Variants in XKR6 observed in about 807,000 individuals in gnomAD.
XKR6 encodes the protein XK related 6.
In XKR6, 22 loss-of-function variants were observed where a neutral mutation model predicts 56.7. The ratio of observed to expected loss-of-function variants is 0.39; its 90% CI spans 0.28 to 0.55. The LOEUF is 0.55. XKR6 is among the 20% of genes least tolerant of loss of function. The pLI is 0.66. For missense variants in XKR6, 852 were observed against 889.0 expected (o/e 0.96, Z 0.53); for synonymous variants, 524 against 387.8 (o/e 1.35, Z -4.13).
chr8:11,197,703 A>G (rs1401865128), intron 1 of XKR6, among the ~76,000 whole-genome samples: 1 of 152,154 alleles, frequency 6.6e-6, no homozygotes, highest in African/African-American at 2.4e-5. Flanking sequence ...TCTACAGACA[A>G]CCATTCTTCC....
intron 1 of XKR6, among the ~76,000 whole-genome samples, chr8:10,949,713 T>G (rs1801661401): frequency 6.6e-6 from 1 of 152,042 alleles, no homozygotes; most frequent in African/African-American, 2.4e-5. Flanking sequence ...GGACACAAAG[T>G]CAAGGACCGG....
intron 1 of XKR6, among the ~76,000 whole-genome samples, chr8:11,099,381 T>C (rs1798382592): frequency 6.6e-6 from 1 of 152,194 alleles, no homozygotes; most frequent in African/African-American, 2.4e-5. Context: ...ATGATGCTTA[T>C]CATTAGCACA....
intron 1 of XKR6, among the ~76,000 whole-genome samples, chr8:11,121,768 A>G (rs902804482): frequency 4.6e-5 from 7 of 152,238 alleles, no homozygotes; most frequent in Non-Finnish European, 8.8e-5. Context: ...CACTATAGCA[A>G]AGACTTGGAA....
intron 1 of XKR6, among the ~76,000 whole-genome samples, chr8:11,065,486 T>C (rs1036519423): frequency 6.6e-6 from 1 of 152,250 alleles, no homozygotes; most frequent in Non-Finnish European, 1.5e-5. Context: ...ATTTAGGTTC[T>C]GTGGCCGTGA....
intron 1 of XKR6, among the ~76,000 whole-genome samples, chr8:11,157,552 G>A (rs1281590020): frequency 6.6e-6 from 1 of 152,124 alleles, no homozygotes; most frequent in African/African-American, 2.4e-5. Context: ...GTCTCTCTCT[G>A]TTGCCCAGGC....
At chr8:11,031,115 T>C (rs1410367548) in intron 1 of XKR6, among the ~76,000 whole-genome samples, 3 of 152,184 alleles carry the variant, frequency 2.0e-5, no homozygotes, top group Non-Finnish European at 4.4e-5. Context: ...ATGACCCTGT[T>C]CACTGGCTGC....
chr8:11,201,363 A>AG lies in XKR6; in HGVS notation c.-25dup. 1 of 392,948 alleles carries AG rather than the reference A, an allele frequency of 2.5e-6. No individual in the cohort carries two copies. The highest frequency in any genetic ancestry group is 3.2e-6 in the Non-Finnish European group (1 of 310,480). The allele number at this position is 392,948 out of a possible 1,614,324, so 24.3% of individuals were successfully genotyped here. A position where few individuals can be genotyped will look rare whatever the true frequency, so the allele number is the denominator to read the frequency against. ...ATCTTGACTCTCTTCCCAGCTCCGG[A>AG]GGTTGGGGGGGAGGGACGGCGGGGG... On this transcript the variant is annotated 5_prime_UTR_variant, in exon 1 of 3. Coordinates refer to ENST00000416569, the MANE Select transcript of XKR6 (RefSeq NM_173683.4).
chr8:11,126,903 T>C (rs139550604), intron 1 of XKR6, among the ~76,000 whole-genome samples: 16 of 152,302 alleles, frequency 1.1e-4, no homozygotes, highest in African/African-American at 2.4e-4. Flanking sequence ...GATGAAATCA[T>C]TGGCTCAGTG....
chr8:11,116,819 T>TA (rs1799201147), intron 1 of XKR6, among the ~76,000 whole-genome samples: 1 of 152,194 alleles, frequency 6.6e-6, no homozygotes, highest in African/African-American at 2.4e-5. Flanking sequence ...CCACTTGATG[T>TA]TTTGTAATGC....
At chr8:10,977,693 G>A (rs941673154) in intron 1 of XKR6, among the ~76,000 whole-genome samples, 4 of 150,148 alleles carry the variant, frequency 2.7e-5, no homozygotes, top group Non-Finnish European at 5.9e-5. Flanking sequence ...AGGTGGGTTC[G>A]GGGATAGAGA....
intron 1 of XKR6, among the ~76,000 whole-genome samples, chr8:11,176,440 A>G (rs1402347969): frequency 6.6e-6 from 1 of 152,204 alleles, no homozygotes; most frequent in Non-Finnish European, 1.5e-5. Context: ...CATGACACCA[A>G]TACTTGGGAA....
At position 10,936,301 on chromosome 8, in the gene XKR6, C is replaced by T. The variant is rs1490640929; in HGVS notation, c.765-11471G>A. On this transcript the variant is annotated intron_variant, in intron 1 of 2. Coordinates refer to ENST00000416569, the MANE Select transcript of XKR6 (RefSeq NM_173683.4). ...TTTTGAGCCTATGTGTGTCTCTGCA[C>T]GTGAGATGGGTTTCCTGAATACAGC... 3.6e-3 allele frequency among the ~76,000 whole-genome samples: 522 copies of T among 146,148 alleles called. 1 individual carries two copies. The highest frequency in any genetic ancestry group is 0.012 in the African/African-American group (477 of 39,506).
chr8:10,952,200 C>G (rs1016083460), intron 1 of XKR6, among the ~76,000 whole-genome samples: 1 of 152,128 alleles, frequency 6.6e-6, no homozygotes, highest in African/African-American at 2.4e-5. Flanking sequence ...GAAGGGGACC[C>G]AAGTTCACCC....
chr8:11,033,314 T>C (rs1177417713), intron 1 of XKR6, among the ~76,000 whole-genome samples: 2 of 150,548 alleles, frequency 1.3e-5, no homozygotes, highest in African/African-American at 5.0e-5. Flanking sequence ...GTGATGATGA[T>C]GATGACGATA....
At chr8:10,995,914 G>A (rs943287023) in intron 1 of XKR6, among the ~76,000 whole-genome samples, 1 of 152,124 alleles carries the variant, frequency 6.6e-6, no homozygotes, top group African/African-American at 2.4e-5. Flanking sequence ...TGAATCAGAC[G>A]AATGGCTTGC....
intron 1 of XKR6, among the ~76,000 whole-genome samples, chr8:11,181,484 C>T (rs567272226): frequency 6.6e-6 from 1 of 152,322 alleles, no homozygotes; most frequent in Admixed American, 6.5e-5. Flanking sequence ...TTCCACTCAA[C>T]AATGAGAACA....
intron 1 of XKR6, among the ~76,000 whole-genome samples, chr8:10,943,297 G>C (rs1467803638): frequency 6.6e-6 from 1 of 152,222 alleles, no homozygotes; most frequent in Non-Finnish European, 1.5e-5. Flanking sequence ...ATGATGAGCA[G>C]TCCCATTTGA....
At chr8:10,958,703 T>C (rs1801970663) in intron 1 of XKR6, among the ~76,000 whole-genome samples, 1 of 152,250 alleles carries the variant, frequency 6.6e-6, no homozygotes, top group African/African-American at 2.4e-5. Context: ...TGGCCATTTT[T>C]GCCTGCAGTT....
intron 1 of XKR6, among the ~76,000 whole-genome samples, chr8:11,089,396 C>T (rs1282666482): frequency 1.3e-5 from 2 of 152,024 alleles, no homozygotes; most frequent in Non-Finnish European, 2.9e-5. Context: ...TTTAGTAGGC[C>T]GAAATGGGAG....
Sources: gnomAD v4.1 joint callset for allele counts (sites outside exome capture counted in the v4.1 genomes callset) on GRCh38, gnomAD v4.1.1 for gene constraint, MANE v1.5 for transcripts, NCBI Gene and HGNC (gene_info 2026-07-23, HGNC 2026-07-21) for gene names.